LONP2: variants seen among roughly 807,000 people sequenced by gnomAD.
The protein encoded by LONP2 is lon protease homolog 2, peroxisomal.
LONP2 carries 60 observed loss-of-function variants against 85.6 expected under a neutral mutation model. The ratio of observed to expected loss-of-function variants is 0.70; its 90% CI spans 0.57 to 0.87. LONP2 has a LOEUF of 0.87. Among genes scored for constraint, LONP2 ranks in the 40% least tolerant of loss-of-function variants. The probability of loss-of-function intolerance (pLI) is 0.00; values close to 1 mark genes in which losing one functional copy is unlikely to be tolerated. For missense variants in LONP2, 860 were observed against 1,063.5 expected (o/e 0.81, Z 2.66); for synonymous variants, 395 against 389.7 (o/e 1.01, Z -0.16).
At chr16:48,293,825 C>T (rs948261341) in intron 8 of LONP2, among the ~76,000 whole-genome samples, 2 of 152,188 alleles carry the variant, frequency 1.3e-5, no homozygotes, top group African/African-American at 2.4e-5. Context: ...GCAGAGGACT[C>T]AGAGGAGCCT....
At chr16:48,350,358 T>A (rs1292538035) in intron 14 of LONP2, among the ~76,000 whole-genome samples, 2 of 150,346 alleles carry the variant, frequency 1.3e-5, no homozygotes, top group Non-Finnish European at 2.9e-5. Context: ...CACTGCACTC[T>A]AGCTTGGGTG....
chr16:48,314,660 C>T (rs184560235), intron 11 of LONP2, among the ~76,000 whole-genome samples: 1 of 152,170 alleles, frequency 6.6e-6, no homozygotes. Context: ...CATCTACAAC[C>T]ATCTGATCTT....
At position 48,362,473 on chromosome 16, in the gene LONP2, C is replaced by G. The variant is rs1355877763; in HGVS notation, c.*610C>G. 1 of 1,591,260 alleles carries G rather than the reference C, an allele frequency of 6.3e-7. No homozygotes were observed. The highest frequency in any genetic ancestry group is 8.6e-7 in the Non-Finnish European group (1 of 1,163,022). ...GGAGGCAGGAGAAAAATAATTATAA[C>G]CATGACTTACTTTATAAATAATGTT... On this transcript the variant is annotated 3_prime_UTR_variant, in exon 5 of 5. Coordinates refer to the LONP2 transcript ENST00000565867. This position sits in a 1 kb window ranked among gnomAD's most constrained non-coding sequence, Gnocchi z 4.2.
chr16:48,298,626 G>GTGT (rs1555481193), intron 9 of LONP2, among the ~76,000 whole-genome samples: 5 of 134,322 alleles, frequency 3.7e-5, no homozygotes, highest in East Asian at 4.5e-4. Context: ...ATTTAATTGA[G>GTGT]GTGTGTGTGT....
chr16:48,312,376 T>C (rs1973051680), intron 11 of LONP2, among the ~76,000 whole-genome samples: 1 of 152,166 alleles, frequency 6.6e-6, no homozygotes, highest in Admixed American at 6.5e-5. Context: ...TTTTTTCATA[T>C]TTCCAATATT....
chr16:48,331,658 G>A (rs1001541496), intron 11 of LONP2, among the ~76,000 whole-genome samples: 12 of 150,708 alleles, frequency 8.0e-5, no homozygotes, highest in South Asian at 2.1e-4. Context: ...TCTGCCTCCC[G>A]GGTTCACGCC....
At chr16:48,349,077 C>T (rs962776170) in intron 14 of LONP2, among the ~76,000 whole-genome samples, 3 of 151,922 alleles carry the variant, frequency 2.0e-5, no homozygotes, top group African/African-American at 7.3e-5. Context: ...TGAAAAGGTT[C>T]TATACATGTG....
intron 12 of LONP2, among the ~76,000 whole-genome samples, chr16:48,335,600 A>G (rs1446755086): frequency 6.6e-6 from 1 of 152,196 alleles, no homozygotes; most frequent in Non-Finnish European, 1.5e-5. Flanking sequence ...AGGAAAAAAT[A>G]TTTTCAGAAA....
At chr16:48,351,543 T>TG in intron 14 of LONP2, 38 bp from the exon 15 acceptor site, 15 of 1,547,488 alleles carry the variant, frequency 9.7e-6, no homozygotes, top group Non-Finnish European at 1.3e-5. Context: ...AGCTTGAGGG[T>TG]GATCATTAAC....
Position 48,342,025 on chromosome 16 carries a change from G to A in LONP2, c.1939-5482G>A, listed in dbSNP as rs16946115. On this transcript the variant is annotated intron_variant, in intron 12 of 14. Coordinates refer to ENST00000285737, the MANE Select transcript of LONP2 (RefSeq NM_031490.5). ...TGCATGGAAAGAGTAGGTCACTGCC[G>A]GAAATCAGGCTAGTTTTAGCAAAAG... Among the ~76,000 whole-genome samples the A allele has an allele frequency of 5.8e-3, 881 of 152,200 alleles. 7 individuals are homozygous for A. Among genetic ancestry groups the A allele is most frequent in the African/African-American group, 0.02 (828 of 41,546 alleles).
chr16:48,317,560 T>A (rs886794069), intron 11 of LONP2, among the ~76,000 whole-genome samples: 1 of 152,228 alleles, frequency 6.6e-6, no homozygotes, highest in Non-Finnish European at 1.5e-5. Context: ...TTGAGTAGGA[T>A]CTTTAGTAGC....
At chr16:48,358,540 G>A (rs1480813352), downstream of LONP2, among the ~76,000 whole-genome samples, 2 of 152,162 alleles carry the variant, frequency 1.3e-5, no homozygotes, top group African/African-American at 4.8e-5. Flanking sequence ...ATAAACATGT[G>A]GCTGGAGCCA....
Position 48,270,252 on chromosome 16 carries a change from C to A in LONP2, c.1219C>A (p.Gln407Lys). The A allele has an allele frequency of 6.2e-7, 1 of 1,613,946 alleles. No homozygotes were observed. Among genetic ancestry groups the A allele is most frequent in the South Asian group, 1.1e-5 (1 of 91,058 alleles). ...HRIALGGVCD[Q>K]SDIRGHRRTY... ...GATTGCACTTGGAGGAGTATGTGAT[C>A]AGTCTGACATTCGAGGACACAGGTA... is the stretch of plus-strand genomic sequence containing the variant. The change falls in exon 7 of 15, where the codon CAG (glutamine) becomes AAG (lysine). Residue 407 changes from glutamine (Q) to lysine (K), a missense_variant. Physicochemically the swap from Gln to Lys is moderately conservative, Grantham distance 53 (BLOSUM62 1). Around this residue, in one of 3 missense-constraint regions of LONP2, gnomAD observed 743 missense variants for 917.3 expected, o/e 0.81. Transcript: ENST00000285737.
intron 8 of LONP2, among the ~76,000 whole-genome samples, chr16:48,280,187 A>G (rs769637182): frequency 6.6e-6 from 1 of 152,168 alleles, no homozygotes; most frequent in South Asian, 2.1e-4. Flanking sequence ...TTAAGATTTT[A>G]GTAGTTTCTT....
Position 48,362,524 on chromosome 16 carries a change from T to C in LONP2, c.*661T>C. The C allele has an allele frequency of 7.7e-7, 1 of 1,304,944 alleles. No individual in the cohort carries two copies. The highest frequency in any genetic ancestry group is 1.1e-6 in the Non-Finnish European group (1 of 942,282). The allele number at this position is 1,304,944 out of a possible 1,614,324, so 80.8% of individuals were successfully genotyped here. A position where few individuals can be genotyped will look rare whatever the true frequency, so the allele number is the denominator to read the frequency against. The stretch of plus-strand genomic sequence containing the variant: ...TACATGCCATAAGTCCTTTTAAAGT[T>C]TCATACAAAATTTACTGAGCAAAAG... On this transcript the variant is annotated 3_prime_UTR_variant, in exon 5 of 5. Transcript: ENST00000565867. The surrounding 1 kb of genome is among the most constrained non-coding windows in gnomAD (Gnocchi z 4.2).
At chr16:48,332,113 G>A (rs1240163718) in intron 11 of LONP2, among the ~76,000 whole-genome samples, 1 of 152,148 alleles carries the variant, frequency 6.6e-6, no homozygotes, top group Non-Finnish European at 1.5e-5. Context: ...CACTCAGGAT[G>A]TCTCCAGTTA....
intron 3 of LONP2, among the ~76,000 whole-genome samples, chr16:48,257,397 C>A (rs1240362326): frequency 6.6e-6 from 1 of 151,974 alleles, no homozygotes; most frequent in African/African-American, 2.4e-5. Context: ...ATGGCCCTTC[C>A]CTTATGTGTG....
intron 14 of LONP2, among the ~76,000 whole-genome samples, chr16:48,349,584 T>C (rs74800294): frequency 0.083 from 12,661 of 152,140 alleles, 562 homozygotes; most frequent in Middle Eastern, 0.11. Flanking sequence ...TCCAGACCAT[T>C]ACAAGAGGCA....
Position 48,257,725 on chromosome 16 carries a change from A to G in LONP2, c.601-893A>G, listed in dbSNP as rs951139768. Among the ~76,000 whole-genome samples the G allele has an allele frequency of 1.3e-4, 20 of 152,350 alleles. No individual in the cohort carries two copies. In the East Asian group the frequency reaches 3.7e-3, roughly 28 times the overall value. ...TTAATACTTAAATCCAACTGTTATA[A>G]TAGCAAATACAACTAACACAAACAG... On this transcript the variant is annotated intron_variant, in intron 3 of 14. Coordinates refer to ENST00000285737, the MANE Select transcript of LONP2 (RefSeq NM_031490.5).
Sources: allele counts gnomAD v4.1 joint callset (sites outside exome capture counted in the v4.1 genomes callset), GRCh38; gene constraint gnomAD v4.1.1; regional missense constraint gnomAD v4.1.1; non-coding constraint Gnocchi (gnomAD v3.1); transcripts MANE v1.5; gene names NCBI Gene and HGNC (gene_info 2026-07-23, HGNC 2026-07-21).